Variants in UBL3 observed in about 807,000 individuals in gnomAD.
UBL3 encodes ubiquitin like 3.
UBL3 carries 6 observed loss-of-function variants against 18.4 expected under a neutral mutation model. The observed-to-expected ratio is 0.33, with a 90% CI of 0.18 to 0.64. UBL3 has a LOEUF of 0.64. Among genes scored for constraint, UBL3 ranks in the 30% least tolerant of loss-of-function variants. UBL3 has a pLI of 0.76. For missense variants in UBL3, 109 were observed against 142.9 expected (o/e 0.76, Z 1.21); for synonymous variants, 49 against 46.6 (o/e 1.05, Z -0.21).
At chr13:29,831,069 T>G (rs1196981666) in intron 1 of UBL3, among the ~76,000 whole-genome samples, 2 of 152,074 alleles carry the variant, frequency 1.3e-5, no homozygotes, top group Non-Finnish European at 1.5e-5. Context: ...TTTTCTCACG[T>G]TCATAATTCC....
intron 2 of UBL3, among the ~76,000 whole-genome samples, chr13:29,776,408 A>ACAT (rs939585041): frequency 6.6e-6 from 1 of 151,380 alleles, no homozygotes; most frequent in African/African-American, 2.4e-5. Context: ...GACTACAGGC[A>ACAT]TGTGCTACCA....
chr13:29,764,379 A>G lies in UBL3; in HGVS notation c.*2876T>C, dbSNP rs996522337. On this transcript the variant is annotated 3_prime_UTR_variant, in exon 5 of 5. Transcript: ENST00000380680. ...AGGCAAATACACCAGAATTATGAAT[A>G]GAAGCCATTTTAAAGAAGAGAAATA... is the stretch of plus-strand genomic sequence containing the variant. 6 of 152,260 alleles carry G rather than the reference A, an allele frequency of 3.9e-5. No homozygotes were observed. Among genetic ancestry groups the G allele is most frequent in the Non-Finnish European group, 5.9e-5 (4 of 68,046 alleles). 9.4% of individuals were successfully genotyped at this position (152,260 alleles called of 1,614,324 possible).
chr13:29,792,735 G>T (rs1309083015), intron 1 of UBL3, among the ~76,000 whole-genome samples: 8 of 152,088 alleles, frequency 5.3e-5, no homozygotes, highest in Non-Finnish European at 1.0e-4. Context: ...TTTATTAATA[G>T]TTATTAATTA....
At chr13:29,837,548 C>T (rs1257873015) in intron 1 of UBL3, among the ~76,000 whole-genome samples, 1 of 152,068 alleles carries the variant, frequency 6.6e-6, no homozygotes, top group Admixed American at 6.5e-5. Context: ...GGAAAGAAGA[C>T]AATTGAATAG....
chr13:29,825,952 A>G (rs1164667032), intron 1 of UBL3, among the ~76,000 whole-genome samples: 2 of 152,218 alleles, frequency 1.3e-5, no homozygotes, highest in East Asian at 3.8e-4. Flanking sequence ...TATTGAGATA[A>G]TCATGTGGTT....
intron 1 of UBL3, among the ~76,000 whole-genome samples, chr13:29,825,512 T>C (rs1261186580): frequency 1.3e-5 from 2 of 152,236 alleles, no homozygotes; most frequent in Non-Finnish European, 2.9e-5. Flanking sequence ...TTGTCTGTTA[T>C]TGGTGTATAA....
intron 1 of UBL3, among the ~76,000 whole-genome samples, chr13:29,789,136 T>G (rs1877419952): frequency 6.6e-6 from 1 of 152,042 alleles, no homozygotes; most frequent in Non-Finnish European, 1.5e-5. Flanking sequence ...CGACCTCAGG[T>G]GATCCACCAG....
intron 1 of UBL3, among the ~76,000 whole-genome samples, chr13:29,825,907 G>T (rs879090466): frequency 6.6e-6 from 1 of 152,154 alleles, no homozygotes; most frequent in South Asian, 2.1e-4. Context: ...TAGCATGAAG[G>T]GCTGTTGAAT....
intron 1 of UBL3, among the ~76,000 whole-genome samples, chr13:29,821,417 T>C (rs1878440324): frequency 6.6e-6 from 1 of 152,224 alleles, no homozygotes; most frequent in Non-Finnish European, 1.5e-5. Flanking sequence ...CATGTCATAG[T>C]AATCACAACT....
chr13:29,770,752 G>A (rs1876819624), intron 3 of UBL3, among the ~76,000 whole-genome samples: 1 of 151,766 alleles, frequency 6.6e-6, no homozygotes, highest in South Asian at 2.1e-4. Context: ...GTACAATATA[G>A]CCAGGGAGCT....
chr13:29,772,127 T>A lies in UBL3; in HGVS notation c.208A>T (p.Asn70Tyr). 1 of 1,611,656 alleles carries A rather than the reference T, an allele frequency of 6.2e-7. No homozygotes were observed. Among genetic ancestry groups the A allele is most frequent in the Non-Finnish European group, 8.5e-7 (1 of 1,178,454 alleles). ...TGGCTGTTACCTCCTAATGTGACAT[T>A]TCCATGTAGAAATCGTCCTTGATAA... The part of the protein sequence containing the change: ...LIYQGRFLHG[N>Y]VTLGALKLPF... The change falls in exon 3 of 5, where the codon AAT (asparagine) becomes TAT (tyrosine). Residue 70 changes from asparagine to tyrosine, a missense_variant. Physicochemically the swap from Asn to Tyr is moderately radical, Grantham distance 143 (BLOSUM62 -2). Transcript: ENST00000380680.
intron 1 of UBL3, among the ~76,000 whole-genome samples, chr13:29,785,063 G>A (rs1161378528): frequency 6.6e-6 from 1 of 152,086 alleles, no homozygotes. Context: ...ACGCCACCAT[G>A]CCCGGCTAAT....
intron 1 of UBL3, among the ~76,000 whole-genome samples, chr13:29,798,869 G>A (rs1350683420): frequency 6.6e-6 from 1 of 152,216 alleles, no homozygotes. Flanking sequence ...AATGAGAACA[G>A]TATGTGTTGC....
chr13:29,847,042 G>T (rs1038278188), intron 1 of UBL3, among the ~76,000 whole-genome samples: 1 of 152,164 alleles, frequency 6.6e-6, no homozygotes, highest in African/African-American at 2.4e-5. Flanking sequence ...TCAATTCATG[G>T]TATTAAGAGT....
intron 1 of UBL3, among the ~76,000 whole-genome samples, chr13:29,804,227 A>G (rs1877844631): frequency 6.6e-6 from 1 of 152,150 alleles, no homozygotes; most frequent in Non-Finnish European, 1.5e-5. Flanking sequence ...CCTTTGGGTA[A>G]ACAATAAAAT....
intron 1 of UBL3, among the ~76,000 whole-genome samples, chr13:29,805,144 T>C (rs367781427): frequency 6.6e-6 from 1 of 152,218 alleles, no homozygotes. Flanking sequence ...CTAAAGAGAC[T>C]ACTCAATAAT....
At chr13:29,797,350 A>G (rs1877640564) in intron 1 of UBL3, among the ~76,000 whole-genome samples, 1 of 152,238 alleles carries the variant, frequency 6.6e-6, no homozygotes, top group African/African-American at 2.4e-5. Context: ...TTGAAGGTAC[A>G]GACAGAATCT....
chr13:29,810,685 G>T (rs538972232), intron 1 of UBL3, among the ~76,000 whole-genome samples: 3 of 152,166 alleles, frequency 2.0e-5, no homozygotes, highest in Admixed American at 6.6e-5. Context: ...TATTTTTAGT[G>T]TAACAGTGAG....
intron 1 of UBL3, among the ~76,000 whole-genome samples, chr13:29,800,577 A>G (rs1006334083): frequency 1.3e-5 from 2 of 152,258 alleles, no homozygotes; most frequent in African/African-American, 4.8e-5. Context: ...TAACAATGAT[A>G]AAGTGTGAAT....
Sources: gnomAD v4.1 joint callset for allele counts (sites outside exome capture counted in the v4.1 genomes callset) on GRCh38, gnomAD v4.1.1 for gene constraint, MANE v1.5 for transcripts, NCBI Gene and HGNC (gene_info 2026-07-23, HGNC 2026-07-21) for gene names.